MBD5: variants seen among roughly 807,000 people sequenced by gnomAD.
MBD5 encodes methyl-CpG binding domain protein 5.
MBD5 carries 13 observed loss-of-function variants against 117.3 expected under a neutral mutation model. That is an observed-to-expected ratio of 0.11 (90% CI 0.07 to 0.18). MBD5 has a LOEUF of 0.18. Ranked by LOEUF, MBD5 falls within the 10% of genes least tolerant of loss-of-function variation. The pLI is 1.00. For missense variants in MBD5, 1,879 were observed against 2,093.8 expected (o/e 0.90, Z 2.00); for synonymous variants, 727 against 766.4 (o/e 0.95, Z 0.85).
Position 148,077,521 on chromosome 2 carries a change from C to G in MBD5, c.-925+55837C>G, listed in dbSNP as rs374631116. Among the ~76,000 whole-genome samples, 121 of 152,246 alleles carry G rather than the reference C, an allele frequency of 7.9e-4. 1 individual carries two copies. The highest frequency in any genetic ancestry group is 2.8e-3 in the African/African-American group (118 of 41,536). On this transcript the variant is annotated intron_variant, in intron 1 of 13. Transcript: ENST00000642680. ...ACATAGAAGTAGATTTTTATCTTCT[C>G]TACTATGGACTGGGTAACTCTATTG... is the stretch of plus-strand genomic sequence containing the variant.
rs149132860 is a variant in MBD5 at position 148,464,801 on chromosome 2, T to TAAAA, written c.397+882_397+883insAAAA. The stretch of plus-strand genomic sequence containing the variant: ...CAGCAAGACCTGTCTCTAAAATAAT[T>TAAAA]TAAAAAAAAAAAAAAAACTAGCCAG... On this transcript the variant is annotated intron_variant, in intron 7 of 13. Coordinates refer to ENST00000642680, the MANE Select transcript of MBD5 (RefSeq NM_001378120.1). Among the ~76,000 whole-genome samples, 23 of 141,286 alleles carry TAAAA rather than the reference T, an allele frequency of 1.6e-4. 1 individual carries two copies. The highest frequency in any genetic ancestry group is 2.2e-4 in the South Asian group (1 of 4,506). 92.7% of individuals were successfully genotyped at this position (141,286 alleles called of 152,430 possible).
intron 4 of MBD5, among the ~76,000 whole-genome samples, chr2:148,437,106 C>T (rs1706177063): frequency 6.7e-6 from 1 of 150,092 alleles, no homozygotes; most frequent in Non-Finnish European, 1.5e-5. Flanking sequence ...CCTCAGCCTC[C>T]CAAGTAGCTG....
intron 2 of MBD5, among the ~76,000 whole-genome samples, chr2:148,226,509 C>T (rs1252854831): frequency 3.9e-5 from 6 of 152,174 alleles, no homozygotes; most frequent in East Asian, 1.9e-4. Flanking sequence ...ATCCAGTCTA[C>T]CATTGTTGGA....
intron 3 of MBD5, among the ~76,000 whole-genome samples, chr2:148,326,260 G>C (rs1702447622): frequency 6.6e-6 from 1 of 152,154 alleles, no homozygotes; most frequent in Non-Finnish European, 1.5e-5. Context: ...TTCCAAGTAT[G>C]TGGTAAATTT....
chr2:148,442,768 ATATC>A (rs984861768), intron 4 of MBD5, among the ~76,000 whole-genome samples: 2 of 151,446 alleles, frequency 1.3e-5, no homozygotes, highest in African/African-American at 4.9e-5. Flanking sequence ...AAAGACTCAG[ATATC>A]TAAGACCTCA....
At chr2:148,288,410 A>AAAAAAAAAAAAAAAAAAAG (rs1367731540) in intron 3 of MBD5, among the ~76,000 whole-genome samples, 1 of 140,566 alleles carries the variant, frequency 7.1e-6, no homozygotes, top group African/African-American at 2.6e-5. Context: ...AAAAAAAAAA[A>AAAAAAAAAAAAAAAAAAAG]AAAAGTGATT....
rs1488326795 is a variant in MBD5 at position 148,468,584 on chromosome 2, T to C, written c.641T>C (p.Phe214Ser). 1.9e-6 allele frequency: 3 copies of C among 1,613,834 alleles called. No individual in the cohort carries two copies. Among genetic ancestry groups the C allele is most frequent in the Non-Finnish European group, 1.7e-6 (2 of 1,179,864 alleles). ...GSSEHGQKSP[F>S]RGSHGGLPSP... Reference sequence around the variant, plus strand: ...AGTGAACATGGACAGAAATCTCCATTCCGTGGCAGCCATGGAGGCCTGCCC... The same window carrying C: ...AGTGAACATGGACAGAAATCTCCATCCCGTGGCAGCCATGGAGGCCTGCCC... The change falls in exon 8 of 14, where the codon TTC becomes TCC. Residue 214 changes from phenylalanine to serine, a missense_variant. Physicochemically the swap from Phe to Ser is radical, Grantham distance 155. Transcript: ENST00000642680.
chr2:148,425,239 CAGAGA>C (rs1486851480), intron 4 of MBD5, among the ~76,000 whole-genome samples: 1 of 152,132 alleles, frequency 6.6e-6, no homozygotes, highest in African/African-American at 2.4e-5. Flanking sequence ...AAACTACCAT[CAGAGA>C]ATGCTATAAA....
intron 1 of MBD5, among the ~76,000 whole-genome samples, chr2:148,148,997 C>G (rs1016600931): frequency 6.6e-6 from 1 of 151,928 alleles, no homozygotes; most frequent in Admixed American, 6.6e-5. Context: ...GTGCAGGTTA[C>G]TTACATATGT....
chr2:148,206,381 T>A (rs1360246135), intron 2 of MBD5, among the ~76,000 whole-genome samples: 1 of 152,210 alleles, frequency 6.6e-6, no homozygotes, highest in Non-Finnish European at 1.5e-5. Context: ...GTACATATGA[T>A]GTTTTGATAC....
intron 4 of MBD5, among the ~76,000 whole-genome samples, chr2:148,406,019 A>G (rs1226159745): frequency 6.6e-6 from 1 of 152,110 alleles, no homozygotes; most frequent in African/African-American, 2.4e-5. Flanking sequence ...GATTTAAATA[A>G]ATAAATAATT....
At chr2:148,247,514 T>C (rs1017638251) in intron 3 of MBD5, among the ~76,000 whole-genome samples, 1 of 152,196 alleles carries the variant, frequency 6.6e-6, no homozygotes, top group Non-Finnish European at 1.5e-5. Context: ...AGTTCAGATA[T>C]TGAGTTCCTT....
intron 2 of MBD5, among the ~76,000 whole-genome samples, chr2:148,195,702 C>T (rs369223273): frequency 1.3e-5 from 2 of 152,166 alleles, no homozygotes; most frequent in African/African-American, 2.4e-5. Flanking sequence ...AGTATGTTCT[C>T]TGAACAAAAC....
intron 4 of MBD5, among the ~76,000 whole-genome samples, chr2:148,390,453 G>GTA (rs1297343839): frequency 6.7e-6 from 1 of 150,226 alleles, no homozygotes; most frequent in African/African-American, 2.5e-5. Flanking sequence ...ATATATGTAA[G>GTA]TATATATATG....
intron 2 of MBD5, among the ~76,000 whole-genome samples, chr2:148,202,070 C>G (rs1699158536): frequency 6.6e-6 from 1 of 152,192 alleles, no homozygotes; most frequent in African/African-American, 2.4e-5. Context: ...CTGCCTCTAT[C>G]TGCCTAGGCA....
chr2:148,359,056 G>A (rs1703458508), intron 4 of MBD5, among the ~76,000 whole-genome samples: 1 of 151,612 alleles, frequency 6.6e-6, no homozygotes, highest in South Asian at 2.1e-4. Context: ...GAGGTCAGGA[G>A]TTCAAGACCA....
chr2:148,089,938 C>G (rs757329555), intron 1 of MBD5, among the ~76,000 whole-genome samples: 20 of 151,826 alleles, frequency 1.3e-4, no homozygotes, highest in Admixed American at 2.6e-4. Flanking sequence ...ATTGATAGAC[C>G]ATTAATAAGA....
chr2:148,116,028 G>C (rs1696629421), intron 1 of MBD5, among the ~76,000 whole-genome samples: 1 of 151,860 alleles, frequency 6.6e-6, no homozygotes, highest in Non-Finnish European at 1.5e-5. Context: ...ATTTTTTTTA[G>C]AGGTGGGGTT....
intron 4 of MBD5, among the ~76,000 whole-genome samples, chr2:148,367,507 CA>C (rs1477193860): frequency 6.6e-6 from 1 of 152,100 alleles, no homozygotes; most frequent in Non-Finnish European, 1.5e-5. Flanking sequence ...AGCTTCTGCA[CA>C]GCAAAAGAAA....
Sources: allele counts gnomAD v4.1 joint callset (sites outside exome capture counted in the v4.1 genomes callset), GRCh38; gene constraint gnomAD v4.1.1; transcripts MANE v1.5; gene names NCBI Gene and HGNC (gene_info 2026-07-23, HGNC 2026-07-21).